The following KIDINS220 variants were observed in gnomAD, a reference collection of about 807,000 sequenced individuals.
The protein encoded by KIDINS220 is kinase D interacting substrate 220, also known as kinase D-interacting substrate of 220 kDa.
In KIDINS220, 63 loss-of-function variants were observed where a neutral mutation model predicts 157.6. The ratio of observed to expected loss-of-function variants is 0.40; its 90% CI spans 0.33 to 0.49. KIDINS220 has a LOEUF of 0.49. Ranked by LOEUF, KIDINS220 falls within the 20% of genes least tolerant of loss-of-function variation. KIDINS220 has a pLI of 0.66. For missense variants in KIDINS220, 1,772 were observed against 2,171.2 expected, an observed-to-expected ratio of 0.82 and a Z score of 3.65; for synonymous variants, 732 against 783.6, an observed-to-expected ratio of 0.93 and a Z score of 1.10.
intron 1 of KIDINS220, among the ~76,000 whole-genome samples, chr2:8,829,952 A>C (rs981668824): frequency 1.3e-5 from 2 of 151,620 alleles, no homozygotes; most frequent in African/African-American, 4.8e-5. Context: ...AGCCCAGCCA[A>C]GCAGAAGAAC....
chr2:8,731,173 A>G lies in KIDINS220; in HGVS notation c.4863T>C (p.Ser1621=). 6.2e-7 allele frequency: 1 copy of G among 1,614,174 alleles called. No homozygotes were observed. The highest frequency in any genetic ancestry group is 2.2e-5 in the East Asian group (1 of 44,880). ...GTGGGATTCCCCGCTTTCCGCTGTG[A>G]CTGTCATCTTCCAGCTCTATGAGAT... ...KANLIELEDD[S]HSGKRGIPHS... is the part of the protein sequence containing the mutation. Residue 1621 remains serine, a synonymous_variant, in exon 30 of 30, where the codon AGT becomes AGC. Coordinates refer to ENST00000256707, the MANE Select transcript of KIDINS220 (RefSeq NM_020738.4). The surrounding 1 kb of genome is among the most constrained non-coding windows in gnomAD (Gnocchi z 5.2).
At chr2:8,728,398 G>C (rs1663560665), downstream of KIDINS220, among the ~76,000 whole-genome samples, 2 of 152,132 alleles carry the variant, frequency 1.3e-5, no homozygotes, top group African/African-American at 4.8e-5. Flanking sequence ...GAATCTAAGG[G>C]CAAGATTAGA....
chr2:8,804,703 G>A (rs1161479550), intron 7 of KIDINS220, among the ~76,000 whole-genome samples: 1 of 152,128 alleles, frequency 6.6e-6, no homozygotes, highest in African/African-American at 2.4e-5. Flanking sequence ...CATTTGATTT[G>A]AACAGTTTAT....
intron 17 of KIDINS220, among the ~76,000 whole-genome samples, chr2:8,780,218 A>G (rs1671506719): frequency 6.6e-6 from 1 of 152,196 alleles, no homozygotes; most frequent in Admixed American, 6.5e-5. Flanking sequence ...AAAATCCTGT[A>G]TTATTTATTT....
intron 21 of KIDINS220, 64 bp downstream of exon 21, chr2:8,776,674 TGTTTCTGAAA>T: frequency 2.9e-6 from 4 of 1,358,322 alleles, no homozygotes; most frequent in Non-Finnish European, 4.1e-6. Flanking sequence ...TACATACCTT[TGTTTCTGAAA>T]TTAAATGGTT....
intron 1 of KIDINS220, among the ~76,000 whole-genome samples, chr2:8,831,161 A>G (rs1172178232): frequency 6.6e-6 from 1 of 152,244 alleles, no homozygotes; most frequent in Non-Finnish European, 1.5e-5. Context: ...CATTGTAAAG[A>G]TGCAAATACA....
intron 2 of KIDINS220, among the ~76,000 whole-genome samples, chr2:8,819,820 T>A (rs1461925697): frequency 6.6e-6 from 1 of 151,672 alleles, no homozygotes; most frequent in Non-Finnish European, 1.5e-5. Context: ...GCAAGACTTG[T>A]CTCAAAAAAA....
chr2:8,793,761 G>T, intron 12 of KIDINS220, 49 bp downstream of exon 12: 1 of 1,491,548 alleles, frequency 6.7e-7, no homozygotes, highest in Non-Finnish European at 9.0e-7. Context: ...TTCTTTAATG[G>T]AACATTGATT....
intron 6 of KIDINS220, among the ~76,000 whole-genome samples, chr2:8,811,266 C>T (rs987414859): frequency 6.7e-6 from 1 of 149,092 alleles, no homozygotes; most frequent in African/African-American, 2.5e-5. Context: ...TCTAAGACCG[C>T]TACTGGAAAT....
downstream of KIDINS220, chr2:8,723,877 G>C (rs142004477): frequency 6.6e-6 from 1 of 152,180 alleles, no homozygotes; most frequent in African/African-American, 2.4e-5. Context: ...GGGAGGCACC[G>C]CCTTGCACTT....
chr2:8,771,849 T>C (rs201089739), intron 21 of KIDINS220, among the ~76,000 whole-genome samples: 3 of 152,098 alleles, frequency 2.0e-5, no homozygotes, highest in South Asian at 2.1e-4. Flanking sequence ...GATGTGAGCA[T>C]TGATGGAGAC....
chr2:8,827,066 T>G lies in KIDINS220; in HGVS notation c.28A>C (p.Ile10Leu), dbSNP rs529653945. The G allele has an allele frequency of 1.2e-6, 2 of 1,602,100 alleles. No homozygotes were observed. Among genetic ancestry groups the G allele is most frequent in the Admixed American group, 3.4e-5 (2 of 59,472 alleles). Residue 10 changes from isoleucine (I) to leucine (L), a missense_variant, in exon 2 of 30, where the codon ATA (isoleucine) becomes CTA (leucine). Coordinates refer to ENST00000256707, the MANE Select transcript of KIDINS220 (RefSeq NM_020738.4). ...ATGTTTTCTTCCTCTACATAATTTA[T>G]GACGCTCTGTGATATCAAAACTGAC... MSVLISQSV[I>L]NYVEEENIPA...
chr2:8,800,819 T>C (rs1239707507), intron 8 of KIDINS220, among the ~76,000 whole-genome samples: 1 of 152,198 alleles, frequency 6.6e-6, no homozygotes. Context: ...TTAAATACAA[T>C]GACGTTGTGG....
chr2:8,812,379 G>A lies in KIDINS220; in HGVS notation c.504+16C>T. 6.7e-7 allele frequency: 1 copy of A among 1,482,120 alleles called. No homozygotes were observed. Among genetic ancestry groups the A allele is most frequent in the Non-Finnish European group, 9.3e-7 (1 of 1,078,122 alleles). The allele number at this position is 1,482,120 out of a possible 1,614,324, so 91.8% of individuals were successfully genotyped here. ...CATAACATGGACTGGAACCTGAAAA[G>A]ATGCTGCTGACCTACCTTATCAGAG... On this transcript the variant is annotated intron_variant, in intron 6 of 29. Coordinates refer to ENST00000256707, the MANE Select transcript of KIDINS220 (RefSeq NM_020738.4).
intron 21 of KIDINS220, 42 bp downstream of exon 21, chr2:8,776,706 A>G: frequency 6.4e-7 from 1 of 1,558,936 alleles, no homozygotes; most frequent in Non-Finnish European, 8.8e-7. Flanking sequence ...TGTGAATGCT[A>G]AAGCTTATTA....
At chr2:8,780,468 T>C (rs976452274) in intron 17 of KIDINS220, among the ~76,000 whole-genome samples, 1 of 152,022 alleles carries the variant, frequency 6.6e-6, no homozygotes, top group Non-Finnish European at 1.5e-5. Context: ...ATGTAAACAC[T>C]TTGGAAGTGG....
At chr2:8,737,121 T>C in intron 26 of KIDINS220, 122 bp from the exon 27 acceptor site, 1 of 938,386 alleles carries the variant, frequency 1.1e-6, no homozygotes. Context: ...AAAACAAATA[T>C]GTTTAGCATG....
downstream of KIDINS220, chr2:8,723,096 C>T (rs1350556510): frequency 2.0e-5 from 3 of 152,224 alleles, no homozygotes; most frequent in Non-Finnish European, 2.9e-5. Flanking sequence ...TCCTCATCAG[C>T]GTCTAGTGGC....
intron 10 of KIDINS220, among the ~76,000 whole-genome samples, chr2:8,797,342 T>A (rs1190323326): frequency 6.6e-6 from 1 of 152,154 alleles, no homozygotes; most frequent in African/African-American, 2.4e-5. Context: ...TCAAAAGAGT[T>A]CATGATTGCT....
Sources: gnomAD v4.1 joint callset for allele counts (sites outside exome capture counted in the v4.1 genomes callset) on GRCh38, gnomAD v4.1.1 for gene constraint, Gnocchi (gnomAD v3.1) non-coding constraint, MANE v1.5 for transcripts, NCBI Gene and HGNC (gene_info 2026-07-23, HGNC 2026-07-21) for gene names.